Variants in ACY3 observed in about 807,000 individuals in gnomAD.
ACY3 encodes N-acyl-aromatic-L-amino acid amidohydrolase (carboxylate-forming).
In ACY3, 20 loss-of-function variants were observed where a neutral mutation model predicts 24.6. That is an observed-to-expected ratio of 0.81 (90% confidence interval 0.57 to 1.18). The LOEUF (loss-of-function observed/expected upper bound fraction) is 1.18, where lower values mean the gene tolerates loss of function less well. Among genes scored for constraint, ACY3 ranks in the 50% most tolerant of loss-of-function variants. The pLI is 0.00. For synonymous variants in ACY3, 174 were observed against 188.4 expected (o/e 0.92, Z 0.62); for missense variants, 423 against 426.8 (o/e 0.99, Z 0.08).
chr11:67,648,465 C>T (rs1198489008), intron 1 of ACY3, among the ~76,000 whole-genome samples: 1 of 152,098 alleles, frequency 6.6e-6, no homozygotes, highest in Non-Finnish European at 1.5e-5. Context: ...TCCCACCAGG[C>T]TCAGCTGTCT....
intron 1 of ACY3, among the ~76,000 whole-genome samples, chr11:67,649,845 C>CGTGTGTGCATGAGAGT (rs1251662305): frequency 6.9e-6 from 1 of 145,518 alleles, no homozygotes; most frequent in Admixed American, 6.8e-5. Flanking sequence ...TACATGTGTG[C>CGTGTGTGCATGAGAGT]GTGTGTGCAT....
chr11:67,645,708 A>G lies in ACY3; in HGVS notation c.416T>C (p.Leu139Pro). 1.2e-6 allele frequency: 2 copies of G among 1,608,086 alleles called. No homozygotes were observed. The highest frequency in any genetic ancestry group is 1.7e-6 in the Non-Finnish European group (2 of 1,177,422). ...CGGGGCCACCTGCAGATGGCGGCAC[A>G]GGTGCATGGCAAAGACTTCGTGGGA... Reference protein sequence around the residue: ...KSSHEVFAMHLCRHLQLQYPE... With the variant: ...KSSHEVFAMHPCRHLQLQYPE... Residue 139 changes from leucine to proline, a missense_variant, in exon 4 of 8, where the codon CTG (leucine) becomes CCG (proline). Transcript: ENST00000255082.
rs762258760 is a variant in ACY3 at position 67,645,846 on chromosome 11, G to A, written c.278C>T (p.Ala93Val). 3 of 1,613,102 alleles carry A rather than the reference G, an allele frequency of 1.9e-6. No homozygotes were observed. The highest frequency in any genetic ancestry group is 3.3e-5 in the Admixed American group (2 of 59,808). ...TPDDPYEVTR[A>V]RELNQLLGPK... ...CCCCAGCAGCTGGTTCAGCTCTCGG[G>A]CTCTTGTCACCTCATATGGGTCGTC... Residue 93 changes from alanine (A) to valine (V), a missense_variant, in exon 4 of 8, where the codon GCC becomes GTC. Transcript: ENST00000255082.
chr11:67,642,671 T>A lies in ACY3; in HGVS notation c.*53A>T. On this transcript the variant is annotated 3_prime_UTR_variant, in exon 8 of 8. Transcript: ENST00000255082. ...GGACCTCTGTGCTCAGAGCTGTGCC[T>A]CAGGACCCATCGTTCAGATGGGAAG... The A allele has an allele frequency of 6.3e-7, 1 of 1,585,680 alleles. No individual in the cohort carries two copies. The highest frequency in any genetic ancestry group is 8.7e-7 in the Non-Finnish European group (1 of 1,154,524).
At chr11:67,646,305 G>C (rs1455193159) in intron 3 of ACY3, among the ~76,000 whole-genome samples, 1 of 152,216 alleles carries the variant, frequency 6.6e-6, no homozygotes, top group Non-Finnish European at 1.5e-5. Context: ...TTCCCTGACT[G>C]CTCTCAGCCA....
In ACY3 at chr11:67,645,282, C is replaced by T. The variant is rs528679369; in HGVS notation, c.526+5G>A. On this transcript the variant is annotated splice_donor_5th_base_variant and intron_variant, in intron 5 of 7. Transcript: ENST00000255082. ...CCGCCCACTTCTCAGAAGGCTGCGGCCCACCCAGTCCATTTTTGGCCACAG... is the reference window on the plus strand; with the variant it reads ...CCGCCCACTTCTCAGAAGGCTGCGGTCCACCCAGTCCATTTTTGGCCACAG... 6.2e-7 allele frequency: 1 copy of T among 1,613,370 alleles called. No homozygotes were observed. The highest frequency in any genetic ancestry group is 2.2e-5 in the East Asian group (1 of 44,876).
intron 7 of ACY3, among the ~76,000 whole-genome samples, chr11:67,643,778 TGAG>T (rs1441043283): frequency 6.6e-6 from 1 of 151,746 alleles, no homozygotes; most frequent in Non-Finnish European, 1.5e-5. Flanking sequence ...GCAGATCACT[TGAG>T]GTCAGGAGTT....
chr11:67,645,755 G>A lies in ACY3; in HGVS notation c.369C>T (p.Gly123=). The change falls in exon 4 of 8, where the codon GGC becomes GGT. Residue 123 remains glycine, a synonymous_variant. Coordinates refer to ENST00000255082, the MANE Select transcript of ACY3 (RefSeq NM_080658.2). ...LDLHNTTANM[G]TCLIAKSSHE... The stretch of plus-strand genomic sequence containing the variant: ...GGGAGGACTTCGCGATTAAGCAGGT[G>A]CCCATGTTGGCCGTGGTGTTGTGCA... The A allele has an allele frequency of 1.2e-6, 2 of 1,613,828 alleles. No homozygotes were observed. The highest frequency in any genetic ancestry group is 3.4e-4 in the Middle Eastern group (2 of 5,898).
At chr11:67,647,213 C>G in intron 2 of ACY3, 150 bp from the exon 3 acceptor site, 1 of 566,304 alleles carries the variant, frequency 1.8e-6, no homozygotes, top group Non-Finnish European at 3.0e-6. Context: ...CCTGCACCCC[C>G]AGTGGCCCTT....
chr11:67,642,832 G>C lies in ACY3; in HGVS notation c.852C>G (p.Asn284Lys). The C allele has an allele frequency of 6.2e-7, 1 of 1,614,130 alleles. No individual in the cohort carries two copies. Among genetic ancestry groups the C allele is most frequent in the African/African-American group, 1.3e-5 (1 of 75,042 alleles). ...GESTVYPVFINEAAYYEKGVA... is the reference protein window; with the variant it reads ...GESTVYPVFIKEAAYYEKGVA... ...CGCCCTTCTCATAGTAGGCAGCCTCGTTAATGAACACGGGGTACACCGTGG... is the reference window on the plus strand; with the variant it reads ...CGCCCTTCTCATAGTAGGCAGCCTCCTTAATGAACACGGGGTACACCGTGG... Residue 284 changes from asparagine to lysine, a missense_variant, in exon 8 of 8, where the codon AAC (asparagine) becomes AAG (lysine). Coordinates refer to ENST00000255082, the MANE Select transcript of ACY3 (RefSeq NM_080658.2).
chr11:67,643,964 T>C (rs1399987365), intron 7 of ACY3, among the ~76,000 whole-genome samples: 1 of 151,974 alleles, frequency 6.6e-6, no homozygotes, highest in Non-Finnish European at 1.5e-5. Flanking sequence ...CACTGCACTC[T>C]AGCCTGGGCA....
At chr11:67,650,049 G>C (rs1290287220) in intron 1 of ACY3, among the ~76,000 whole-genome samples, 1 of 152,352 alleles carries the variant, frequency 6.6e-6, no homozygotes, top group Admixed American at 6.5e-5. Flanking sequence ...CCCTGTGAAA[G>C]TCCTGGCCAA....
rs921667728 is a variant in ACY3 at position 67,647,098 on chromosome 11, G to A, written c.-20-35C>T. The A allele has an allele frequency of 4.3e-6, 6 of 1,388,186 alleles. No individual in the cohort carries two copies. In the African/African-American group the frequency reaches 4.3e-5, roughly 10 times the overall value. 86.0% of individuals were successfully genotyped at this position (1,388,186 alleles called of 1,614,324 possible). A position where few individuals can be genotyped will look rare whatever the true frequency, so the allele number is the denominator to read the frequency against. ...GGCATACTTAGGAGACCCTGGCCCC[G>A]ATGCAAGGGATCTGGGCTCAGGGCA... is the stretch of plus-strand genomic sequence containing the variant. On this transcript the variant is annotated intron_variant, in intron 2 of 7. Coordinates refer to ENST00000255082, the MANE Select transcript of ACY3 (RefSeq NM_080658.2).
At chr11:67,645,911 A>G (rs773777522) in intron 3 of ACY3, 24 bp from the exon 4 acceptor site, 58 of 1,559,224 alleles carry the variant, frequency 3.7e-5, no homozygotes, top group South Asian at 3.7e-4. Context: ...AATGGGGGAC[A>G]CCGATCTTCA....
rs1230856332 is a variant in ACY3 at position 67,645,791 on chromosome 11, A to G, written c.333T>C (p.Phe111=). The stretch of plus-strand genomic sequence containing the variant: ...CCGTGGTGTTGTGCAGGTCAAGGAC[A>G]AAGTCAAAGGCCTGGCCCGAGGCCT... ...GPKASGQAFD[F]VLDLHNTTAN... The change falls in exon 4 of 8, where the codon TTT becomes TTC. Residue 111 remains phenylalanine, a synonymous_variant. Coordinates refer to ENST00000255082, the MANE Select transcript of ACY3 (RefSeq NM_080658.2). 1.2e-6 allele frequency: 2 copies of G among 1,613,996 alleles called. No individual in the cohort carries two copies. Among genetic ancestry groups the G allele is most frequent in the African/African-American group, 1.3e-5 (1 of 75,026 alleles).
intron 4 of ACY3, 63 bp downstream of exon 4, chr11:67,645,629 C>G: frequency 1.3e-6 from 2 of 1,523,708 alleles, no homozygotes; most frequent in Non-Finnish European, 8.8e-7. Context: ...CCAGCATTGT[C>G]CCGCCTGCCC....
intron 1 of ACY3, among the ~76,000 whole-genome samples, chr11:67,648,588 A>G (rs1230873872): frequency 2.6e-5 from 4 of 152,084 alleles, no homozygotes; most frequent in African/African-American, 9.7e-5. Flanking sequence ...TCCCCCAGGC[A>G]TCGATCCTGG....
intron 7 of ACY3, 77 bp from the exon 8 acceptor site, chr11:67,643,016 C>T: frequency 1.5e-6 from 2 of 1,323,752 alleles, no homozygotes; most frequent in Non-Finnish European, 2.1e-6. Context: ...CCCAGCTTGA[C>T]ACCCAAAAGA....
chr11:67,649,453 A>C (rs1278173734), intron 1 of ACY3, among the ~76,000 whole-genome samples: 2 of 152,176 alleles, frequency 1.3e-5, no homozygotes, highest in Non-Finnish European at 2.9e-5. Context: ...CAGCTTCTGC[A>C]TTTCAGTGAG....
Sources: allele counts gnomAD v4.1 joint callset (sites outside exome capture counted in the v4.1 genomes callset), GRCh38; gene constraint gnomAD v4.1.1; transcripts MANE v1.5; gene names NCBI Gene and HGNC (gene_info 2026-07-23, HGNC 2026-07-21).